Variants in KMT2C observed in about 807,000 individuals in gnomAD.
KMT2C encodes the protein histone-lysine N-methyltransferase 2C.
Under a neutral mutation model 507.9 loss-of-function variants are expected in KMT2C, and 88 were observed. The ratio of observed to expected loss-of-function variants is 0.17; its 90% CI spans 0.15 to 0.21. The LOEUF (loss-of-function observed/expected upper bound fraction) is 0.21, where lower values mean the gene tolerates loss of function less well. Ranked by LOEUF, KMT2C falls within the 10% of genes least tolerant of loss-of-function variation. The pLI, the probability that KMT2C is intolerant of heterozygous loss-of-function variation, is 1.00. For synonymous variants in KMT2C, 2,049 were observed against 2,080.8 expected (o/e 0.98, Z 0.42); for missense variants, 4,954 against 5,957.8 (o/e 0.83, Z 5.55).
At position 152,177,740 on chromosome 7, in the gene KMT2C, C is replaced by G. The variant is rs776439533; in HGVS notation, c.7713G>C (p.Arg2571=). ...LRHRAPDGRQ[R]LPFSAPPGSV... The stretch of plus-strand genomic sequence containing the variant: ...TGCCAGGTGGAGCACTGAAAGGCAG[C>G]CGTTGCCTTCCGTCAGGAGCCCTAT... Residue 2571 remains arginine, a synonymous_variant, in exon 38 of 59, where the codon CGG becomes CGC. Coordinates refer to ENST00000262189, the MANE Select transcript of KMT2C (RefSeq NM_170606.3). 1.2e-6 allele frequency: 2 copies of G among 1,614,054 alleles called. No individual in the cohort carries two copies. The highest frequency in any genetic ancestry group is 1.7e-6 in the Non-Finnish European group (2 of 1,180,002).
chr7:152,427,370 T>C (rs1433109643), intron 1 of KMT2C, among the ~76,000 whole-genome samples: 4 of 152,228 alleles, frequency 2.6e-5, no homozygotes, highest in Non-Finnish European at 5.9e-5. Context: ...GCACAAAATA[T>C]ACACACAGTT....
chr7:152,204,636 T>TAGATAGAC (rs376481420), intron 25 of KMT2C, among the ~76,000 whole-genome samples: 3,452 of 127,362 alleles, frequency 0.027, 68 homozygotes, highest in East Asian at 0.083. Context: ...GATAGATAGA[T>TAGATAGAC]AGACAGACAG....
intron 25 of KMT2C, among the ~76,000 whole-genome samples, chr7:152,203,779 T>C (rs907782944): frequency 1.3e-5 from 2 of 152,190 alleles, no homozygotes; most frequent in East Asian, 1.9e-4. Flanking sequence ...CGTAAGTGAA[T>C]TGACTCTTCT....
rs1589502898 is a variant in KMT2C, at chr7:152,368,126, G to A, written c.162-9451C>T. ...AGTAATACTATCATTGAAGTTAATG[G>A]CAAAAGGGTCAAAGGAAGGCAGTAT... On this transcript the variant is annotated intron_variant, in intron 1 of 58. Transcript: ENST00000262189. 3.2e-6 allele frequency: 3 copies of A among 936,510 alleles called. No homozygotes were observed. In the East Asian group the frequency reaches 7.2e-5, roughly 22 times the overall value. The allele number at this position is 936,510 out of a possible 1,614,324, so 58.0% of individuals were successfully genotyped here.
intron 2 of KMT2C, 90 bp from the exon 3 acceptor site, chr7:152,330,829 TG>T: frequency 8.2e-7 from 1 of 1,214,330 alleles, no homozygotes; most frequent in Non-Finnish European, 1.2e-6. Context: ...TAGGTCATAA[TG>T]TAAAAAGAAA....
chr7:152,176,075 T>C lies in KMT2C; in HGVS notation c.9262+116A>G, dbSNP rs1339730473. The C allele has an allele frequency of 1.2e-5, 13 of 1,087,756 alleles. No homozygotes were observed. The African/African-American group carries it at 1.4e-4, about 12-fold the overall frequency. 67.4% of individuals were successfully genotyped at this position (1,087,756 alleles called of 1,614,324 possible). Reference sequence around the variant, plus strand: ...AACAAACAAACTCCTCAAGGAGGAATAGAAAAACTCAGTGCTTTATTCCAA... The same window carrying C: ...AACAAACAAACTCCTCAAGGAGGAACAGAAAAACTCAGTGCTTTATTCCAA... On this transcript the variant is annotated intron_variant, in intron 38 of 58. Transcript: ENST00000262189.
intron 1 of KMT2C, among the ~76,000 whole-genome samples, chr7:152,388,189 C>A (rs939171675): frequency 1.3e-5 from 2 of 149,886 alleles, no homozygotes; most frequent in Non-Finnish European, 3.0e-5. Context: ...TAATTTCATT[C>A]ATTATGGGTA....
chr7:152,340,847 T>C (rs1254643947), intron 2 of KMT2C, among the ~76,000 whole-genome samples: 2 of 152,088 alleles, frequency 1.3e-5, no homozygotes, highest in Admixed American at 6.6e-5. Context: ...CCAAAAAATA[T>C]GCGGGCATTA....
At chr7:152,161,477 T>C (rs563362860) in intron 43 of KMT2C, among the ~76,000 whole-genome samples, 1 of 152,306 alleles carries the variant, frequency 6.6e-6, no homozygotes, top group African/African-American at 2.4e-5. Context: ...AACTCCAGTT[T>C]TGGAACTATC....
intron 6 of KMT2C, among the ~76,000 whole-genome samples, chr7:152,302,410 G>T (rs1319713644): frequency 1.3e-5 from 2 of 151,882 alleles, no homozygotes; most frequent in African/African-American, 2.4e-5. Context: ...TTTTAGTAGA[G>T]AGGGGGTTTC....
intron 17 of KMT2C, 27 bp downstream of exon 17, chr7:152,230,193 G>A (rs752064907): frequency 7.7e-7 from 1 of 1,294,040 alleles, no homozygotes; most frequent in Non-Finnish European, 1.1e-6. Context: ...ATTCAATGAG[G>A]AAGACAGTAA....
intron 26 of KMT2C, among the ~76,000 whole-genome samples, chr7:152,201,274 T>G (rs1460051151): frequency 6.9e-6 from 1 of 145,890 alleles, no homozygotes; most frequent in African/African-American, 2.6e-5. Flanking sequence ...GCCTCCCTCA[T>G]GTCACACATA....
intron 1 of KMT2C, among the ~76,000 whole-genome samples, chr7:152,427,878 C>T (rs2097834376): frequency 6.6e-6 from 1 of 152,142 alleles, no homozygotes; most frequent in Non-Finnish European, 1.5e-5. Context: ...CAGAAACTGC[C>T]GAATTCCTCC....
At chr7:152,433,308 G>A (rs934040591) in intron 1 of KMT2C, among the ~76,000 whole-genome samples, 1 of 152,116 alleles carries the variant, frequency 6.6e-6, no homozygotes, top group African/African-American at 2.4e-5. Context: ...AATTTCACTG[G>A]TTACAAACCT....
chr7:152,309,894 C>T (rs1441279829), intron 6 of KMT2C, 72 bp downstream of exon 6: 1 of 942,092 alleles, frequency 1.1e-6, no homozygotes, highest in Non-Finnish European at 1.7e-6. Context: ...ATTTAATAAT[C>T]CTTTCAAGTG....
chr7:152,283,514 T>C (rs2096252819), intron 6 of KMT2C, among the ~76,000 whole-genome samples: 1 of 152,182 alleles, frequency 6.6e-6, no homozygotes, highest in Admixed American at 6.5e-5. Flanking sequence ...AACAGAAGAA[T>C]ACTCAGCTTC....
At chr7:152,312,046 T>C in intron 4 of KMT2C, 100 bp from the exon 5 acceptor site, 1 of 882,722 alleles carries the variant, frequency 1.1e-6, no homozygotes, top group Non-Finnish European at 1.6e-6. Flanking sequence ...AATTTTAATT[T>C]ATCAGCCATT....
intron 6 of KMT2C, among the ~76,000 whole-genome samples, chr7:152,307,152 T>C (rs1266876830): frequency 7.4e-6 from 1 of 134,272 alleles, no homozygotes; most frequent in Non-Finnish European, 1.5e-5. Flanking sequence ...GGTGAGACCC[T>C]GGAAATAAGG....
chr7:152,399,020 G>C (rs1337093653), intron 1 of KMT2C, among the ~76,000 whole-genome samples: 2 of 151,610 alleles, frequency 1.3e-5, no homozygotes, highest in African/African-American at 4.9e-5. Context: ...TTAGGGGTAG[G>C]GTTTCACCAT....
Sources: gnomAD v4.1 joint callset for allele counts (sites outside exome capture counted in the v4.1 genomes callset) on GRCh38, gnomAD v4.1.1 for gene constraint, MANE v1.5 for transcripts, NCBI Gene and HGNC (gene_info 2026-07-23, HGNC 2026-07-21) for gene names.